The following CNTN5 variants were observed in gnomAD, a reference collection of about 807,000 sequenced individuals.
The protein encoded by CNTN5 is contactin-5.
A neutral mutation model predicts 129.1 loss-of-function variants in CNTN5; 77 were observed. The ratio of observed to expected loss-of-function variants is 0.60; its 90% CI spans 0.50 to 0.72. The LOEUF (loss-of-function observed/expected upper bound fraction) is 0.72. Ranked by LOEUF, CNTN5 falls within the 30% of genes least tolerant of loss-of-function variation. The probability of loss-of-function intolerance (pLI) is 0.00; values close to 1 mark genes in which losing one functional copy is unlikely to be tolerated. For synonymous variants in CNTN5, 509 were observed against 465.6 expected, an observed-to-expected ratio of 1.09 and a Z score of -1.20; for missense variants, 1,478 against 1,328.8, an observed-to-expected ratio of 1.11 and a Z score of -1.75.
intron 24 of CNTN5, 127 bp downstream of exon 24, chr11:100,350,997 TTTATATTATC>T: frequency 1.5e-6 from 1 of 651,862 alleles, no homozygotes; most frequent in Non-Finnish European, 2.5e-6. Context: ...CTCTCTGATT[TTTATATTATC>T]TTCTGATTAA....
At chr11:99,212,112 G>C (rs961599381) in intron 1 of CNTN5, among the ~76,000 whole-genome samples, 1 of 152,124 alleles carries the variant, frequency 6.6e-6, no homozygotes, top group Non-Finnish European at 1.5e-5. Context: ...TTCTCACAGG[G>C]TACTTTAGTG....
intron 4 of CNTN5, among the ~76,000 whole-genome samples, chr11:99,841,851 C>CAT (rs1316870501): frequency 2.2e-5 from 3 of 135,290 alleles, no homozygotes; most frequent in Admixed American, 7.8e-5. Flanking sequence ...CACACACACA[C>CAT]ATATATATAC....
At chr11:99,307,410 T>C (rs1591499680) in intron 1 of CNTN5, among the ~76,000 whole-genome samples, 1 of 152,200 alleles carries the variant, frequency 6.6e-6, no homozygotes, top group African/African-American at 2.4e-5. Flanking sequence ...ACACTTGTTA[T>C]TTAGTTCACC....
chr11:99,337,626 G>A (rs1866288216), intron 2 of CNTN5, among the ~76,000 whole-genome samples: 1 of 152,108 alleles, frequency 6.6e-6, no homozygotes, highest in Non-Finnish European at 1.5e-5. Flanking sequence ...TCCAGCTTGG[G>A]TGTTATGGCG....
In CNTN5 at chr11:99,036,412, T is replaced by A. The variant is rs528084234; in HGVS notation, c.-210+15142T>A. On this transcript the variant is annotated intron_variant, in intron 1 of 24. Coordinates refer to ENST00000524871, the MANE Select transcript of CNTN5 (RefSeq NM_014361.4). ...TTGTTTCAATTTTTCTTAATATAAT[T>A]TTGGGTAGCTACATAACAAAAATGT... is the stretch of plus-strand genomic sequence containing the variant. 2.0e-4 allele frequency among the ~76,000 whole-genome samples: 30 copies of A among 152,240 alleles called. 1 individual carries two copies. The highest frequency in any genetic ancestry group is 6.5e-4 in the African/African-American group (27 of 41,536).
intron 13 of CNTN5, among the ~76,000 whole-genome samples, chr11:100,178,724 G>A (rs116591929): frequency 0.023 from 3,533 of 152,248 alleles, 136 homozygotes; most frequent in African/African-American, 0.079. Context: ...GAATAGAAGT[G>A]TTGTGTGCTG....
chr11:100,065,065 TC>T (rs555096017), intron 10 of CNTN5, among the ~76,000 whole-genome samples: 146 of 152,262 alleles, frequency 9.6e-4, no homozygotes, highest in African/African-American at 3.4e-3. Context: ...ATTTACTATT[TC>T]AACTAGAATT....
chr11:99,805,332 C>T (rs1946235702), intron 3 of CNTN5, among the ~76,000 whole-genome samples: 1 of 152,116 alleles, frequency 6.6e-6, no homozygotes, highest in Non-Finnish European at 1.5e-5. Flanking sequence ...CCGGGTGTTT[C>T]ACCTAGGCAA....
chr11:100,327,737 G>T (rs1288915407), intron 21 of CNTN5, among the ~76,000 whole-genome samples: 1 of 152,080 alleles, frequency 6.6e-6, no homozygotes, highest in African/African-American at 2.4e-5. Flanking sequence ...AAATACCTTC[G>T]AATGGATAGT....
At chr11:99,513,561 G>T (rs934952047) in intron 2 of CNTN5, among the ~76,000 whole-genome samples, 2 of 152,104 alleles carry the variant, frequency 1.3e-5, no homozygotes, top group African/African-American at 2.4e-5. Context: ...TGGTGACTAA[G>T]TTGAAGCCAA....
intron 18 of CNTN5, among the ~76,000 whole-genome samples, chr11:100,281,605 C>A (rs1022419854): frequency 1.3e-4 from 20 of 152,044 alleles, no homozygotes; most frequent in Admixed American, 3.9e-4. Context: ...CTATAACCTT[C>A]TTGTACTTAA....
intron 3 of CNTN5, among the ~76,000 whole-genome samples, chr11:99,616,492 C>G (rs1950764617): frequency 6.6e-6 from 1 of 151,876 alleles, no homozygotes; most frequent in African/African-American, 2.4e-5. Flanking sequence ...ATGTTTGTCC[C>G]TGACTAGAGA....
chr11:99,767,633 A>G lies in CNTN5; in HGVS notation c.56-51911A>G, dbSNP rs983750002. Among the ~76,000 whole-genome samples the G allele has an allele frequency of 2.2e-4, 34 of 151,784 alleles. No individual in the cohort carries two copies. The South Asian group carries it at 2.9e-3, about 13-fold the overall frequency. ...TAATTTTAAGTTTTTAAACCAAAAA[A>G]AAAAAAACCCATCAGATCAAGGAAT... On this transcript the variant is annotated intron_variant, in intron 3 of 24. Transcript: ENST00000524871.
chr11:99,434,682 G>C (rs1459683231), intron 2 of CNTN5, among the ~76,000 whole-genome samples: 1 of 152,014 alleles, frequency 6.6e-6, no homozygotes, highest in Non-Finnish European at 1.5e-5. Context: ...ACTGATAGTA[G>C]CTGAAGAGAT....
intron 2 of CNTN5, among the ~76,000 whole-genome samples, chr11:99,493,175 G>A (rs1280605278): frequency 1.3e-5 from 2 of 152,176 alleles, no homozygotes; most frequent in African/African-American, 4.8e-5. Context: ...TATAGTTGAT[G>A]ATATTTAAGT....
rs1293508884 is a variant in CNTN5 at position 100,074,176 on chromosome 11, A to C, written c.1462A>C (p.Lys488Gln). 1 of 1,612,810 alleles carries C rather than the reference A, an allele frequency of 6.2e-7. No individual in the cohort carries two copies. The highest frequency in any genetic ancestry group is 8.5e-7 in the Non-Finnish European group (1 of 1,179,302). ...TCCCACTTTTGCACTGAATCAACTG[A>C]AGAAAACAATAATTGTTACCAAAGA... is the stretch of plus-strand genomic sequence containing the variant. ...SAPTFALNQL[K>Q]KTIIVTKDQE... The change falls in exon 13 of 25, where the codon AAG (lysine) becomes CAG (glutamine). Residue 488 changes from lysine (K) to glutamine (Q), a missense_variant. By Grantham distance (53) the Lys-to-Gln change is moderately conservative. Coordinates refer to ENST00000524871, the MANE Select transcript of CNTN5 (RefSeq NM_014361.4).
At chr11:99,143,884 A>G (rs2135469122) in intron 1 of CNTN5, among the ~76,000 whole-genome samples, 1 of 152,314 alleles carries the variant, frequency 6.6e-6, no homozygotes, top group African/African-American at 2.4e-5. Context: ...GGGAATTACA[A>G]GCAGTGTTCT....
intron 6 of CNTN5, among the ~76,000 whole-genome samples, chr11:99,857,363 CAGT>C (rs2135750088): frequency 6.6e-6 from 1 of 152,248 alleles, no homozygotes; most frequent in African/African-American, 2.4e-5. Flanking sequence ...TCCAGTACCA[CAGT>C]AGCCACTACC....
At chr11:99,904,665 G>A (rs1949449021) in intron 6 of CNTN5, among the ~76,000 whole-genome samples, 1 of 152,124 alleles carries the variant, frequency 6.6e-6, no homozygotes, top group Non-Finnish European at 1.5e-5. Flanking sequence ...CCAGTAATGC[G>A]ATTGCTGGGT....
Sources: allele counts gnomAD v4.1 joint callset (sites outside exome capture counted in the v4.1 genomes callset), GRCh38; gene constraint gnomAD v4.1.1; transcripts MANE v1.5; gene names NCBI Gene and HGNC (gene_info 2026-07-23, HGNC 2026-07-21).